Variants in TSHZ3 observed in about 807,000 individuals in gnomAD.
TSHZ3 encodes teashirt homolog 3.
In TSHZ3, 10 loss-of-function variants were observed where a neutral mutation model predicts 64.5. That is an observed-to-expected ratio of 0.16 (90% CI 0.10 to 0.26). The LOEUF is 0.26. TSHZ3 is among the 10% of genes least tolerant of loss of function. The pLI is 1.00. For missense variants in TSHZ3, 1,242 were observed against 1,421.7 expected (o/e 0.87, Z 2.03); for synonymous variants, 608 against 593.1 (o/e 1.03, Z -0.36).
At chr19:31,160,170 G>C (rs1018505760) in intron 5 of TSHZ3, among the ~76,000 whole-genome samples, 16 of 152,058 alleles carry the variant, frequency 1.1e-4, no homozygotes, top group African/African-American at 3.9e-4. Context: ...TGCAAGTAAA[G>C]TTGCTGAGGC....
intron 1 of TSHZ3, among the ~76,000 whole-genome samples, chr19:31,331,310 G>C (rs1410824297): frequency 6.6e-6 from 1 of 152,148 alleles, no homozygotes; most frequent in East Asian, 1.9e-4. Context: ...GCAGTGATGA[G>C]TTAAAGGGGC....
chr19:31,317,894 A>C (rs891240191), intron 1 of TSHZ3, among the ~76,000 whole-genome samples: 1 of 152,212 alleles, frequency 6.6e-6, no homozygotes, highest in African/African-American at 2.4e-5. Context: ...CACCCCTGGT[A>C]AAAGGGCCCA....
chr19:31,350,029 G>T (rs1018862948), upstream of TSHZ3, among the ~76,000 whole-genome samples: 42 of 147,838 alleles, frequency 2.8e-4, no homozygotes, highest in Middle Eastern at 3.5e-3. Flanking sequence ...GCCCGTCCCG[G>T]GGCGCTCGTT....
chr19:31,315,094 A>G (rs1050121646), intron 1 of TSHZ3, among the ~76,000 whole-genome samples: 11 of 152,226 alleles, frequency 7.2e-5, no homozygotes, highest in Non-Finnish European at 1.6e-4. Context: ...CAACTCTGCC[A>G]AGAGATGTCT....
chr19:31,201,255 A>T (rs186733731), intron 5 of TSHZ3, among the ~76,000 whole-genome samples: 29 of 152,302 alleles, frequency 1.9e-4, no homozygotes, highest in Admixed American at 1.6e-3. Flanking sequence ...TATCGCCCAA[A>T]TACACACACA....
intron 1 of TSHZ3, among the ~76,000 whole-genome samples, chr19:31,286,591 T>G (rs1300099540): frequency 6.6e-6 from 1 of 152,236 alleles, no homozygotes; most frequent in Non-Finnish European, 1.5e-5. Context: ...AGCCCTCTGC[T>G]GCAACCCCTC....
chr19:31,330,711 G>A (rs539277081), intron 1 of TSHZ3, among the ~76,000 whole-genome samples: 82 of 151,742 alleles, frequency 5.4e-4, no homozygotes, highest in African/African-American at 1.9e-3. Flanking sequence ...TCCTTGGGCG[G>A]GGGGAGGAAA....
chr19:31,208,391 G>A (rs1975215213), intron 4 of TSHZ3, among the ~76,000 whole-genome samples: 1 of 152,088 alleles, frequency 6.6e-6, no homozygotes, highest in Non-Finnish European at 1.5e-5. Flanking sequence ...GAGTCCAATT[G>A]GCCGAGCTTT....
chr19:31,282,136 C>T (rs1039763902), intron 1 of TSHZ3, among the ~76,000 whole-genome samples: 1 of 152,106 alleles, frequency 6.6e-6, no homozygotes, highest in African/African-American at 2.4e-5. Context: ...CGGGTGCATG[C>T]ATATATGATG....
chr19:31,195,900 G>A (rs1974984119), intron 5 of TSHZ3, among the ~76,000 whole-genome samples: 1 of 151,878 alleles, frequency 6.6e-6, no homozygotes, highest in African/African-American at 2.4e-5. Context: ...TGAGTCAGTA[G>A]GTGATTTTGT....
chr19:31,279,064 G>A lies in TSHZ3; in HGVS notation c.729C>T (p.Asn243=). 1 of 1,614,108 alleles carries A rather than the reference G, an allele frequency of 6.2e-7. No homozygotes were observed. The highest frequency in any genetic ancestry group is 1.1e-5 in the South Asian group (1 of 91,076). The change falls in exon 2 of 2, where the codon AAC becomes AAT. Residue 243 remains asparagine, a synonymous_variant. Coordinates refer to ENST00000240587, the MANE Select transcript of TSHZ3 (RefSeq NM_020856.4). The surrounding 1 kb of genome is among the most constrained non-coding windows in gnomAD (Gnocchi z 6.4). ...TGGGGTTGTTGTTATCGGTCTCATG[G>A]TTGTCGTCGCGGTAATGCCCCGTCT... ...MNETGHYRDD[N]HETDNNNPKR... is the part of the protein sequence containing the mutation.
chr19:31,193,297 A>G (rs1294150917), intron 5 of TSHZ3, among the ~76,000 whole-genome samples: 2 of 152,202 alleles, frequency 1.3e-5, no homozygotes, highest in Non-Finnish European at 2.9e-5. Flanking sequence ...CATATTTTGC[A>G]GGAAGCAGTC....
chr19:31,216,116 A>C (rs1975324811), intron 4 of TSHZ3, among the ~76,000 whole-genome samples: 1 of 152,242 alleles, frequency 6.6e-6, no homozygotes, highest in Admixed American at 6.5e-5. Context: ...GAAACATCAA[A>C]GAACATCAAT....
At position 31,277,992 on chromosome 19, in the gene TSHZ3, G is replaced by A. The variant is rs759526996; in HGVS notation, c.1801C>T (p.Pro601Ser). 2 of 1,614,048 alleles carry A rather than the reference G, an allele frequency of 1.2e-6. No homozygotes were observed. Among genetic ancestry groups the A allele is most frequent in the East Asian group, 2.2e-5 (1 of 44,876 alleles). ...LVSPPSSQTS[P>S]MPKTNFHAME... ...GCATGAAAGTTTGTCTTGGGCATGG[G>A]GGACGTCTGGCTGCTGGGTGGAGAG... The change falls in exon 2 of 2, where the codon CCC becomes TCC. Residue 601 changes from proline to serine, a missense_variant. Physicochemically the swap from Pro to Ser is moderately conservative, Grantham distance 74. Transcript: ENST00000240587. This position sits in a 1 kb window ranked among gnomAD's most constrained non-coding sequence, Gnocchi z 4.5.
In TSHZ3 at chr19:31,279,042, G is replaced by C; in HGVS notation, c.751C>G (p.Pro251Ala). The C allele has an allele frequency of 1.9e-6, 3 of 1,614,084 alleles. No homozygotes were observed. Among genetic ancestry groups the C allele is most frequent in the African/African-American group, 1.3e-5 (1 of 75,028 alleles). Residue 251 changes from proline to alanine, a missense_variant, in exon 2 of 2, where the codon CCC becomes GCC. Pro to Ala is a conservative substitution (Grantham distance 27). Around this residue, in one of 4 missense-constraint regions of TSHZ3, gnomAD observed 555 missense variants for 704.0 expected, o/e 0.79. Transcript: ENST00000240587. This position sits in a 1 kb window ranked among gnomAD's most constrained non-coding sequence, Gnocchi z 6.4. ...DDNHETDNNN[P>A]KRWSKPRKRS... is the part of the protein sequence containing the mutation. ...TTGCGAGGCTTGGACCAGCGCTTGG[G>C]GTTGTTGTTATCGGTCTCATGGTTG...
intron 1 of TSHZ3, among the ~76,000 whole-genome samples, chr19:31,262,904 G>C (rs570964584): frequency 6.6e-6 from 1 of 152,228 alleles, no homozygotes; most frequent in Non-Finnish European, 1.5e-5. Flanking sequence ...ACTCGGACAA[G>C]AGCTGATGGA....
At chr19:31,152,310 A>T (rs976055052) in intron 6 of TSHZ3, among the ~76,000 whole-genome samples, 4 of 145,678 alleles carry the variant, frequency 2.7e-5, no homozygotes, top group African/African-American at 1.0e-4. Flanking sequence ...GTGTGTGTGC[A>T]TGTTTATGTG....
intron 5 of TSHZ3, among the ~76,000 whole-genome samples, chr19:31,159,146 C>T (rs1974340562): frequency 1.3e-5 from 2 of 152,140 alleles, no homozygotes; most frequent in Non-Finnish European, 2.9e-5. Context: ...ATTACAGGCA[C>T]CCATCACCAC....
At chr19:31,210,230 T>G (rs1048984735) in intron 4 of TSHZ3, among the ~76,000 whole-genome samples, 3 of 152,138 alleles carry the variant, frequency 2.0e-5, no homozygotes, top group African/African-American at 7.2e-5. Flanking sequence ...AGGCCTGGGT[T>G]GGAGGGACTC....
Sources: allele counts gnomAD v4.1 joint callset (sites outside exome capture counted in the v4.1 genomes callset), GRCh38; gene constraint gnomAD v4.1.1; regional missense constraint gnomAD v4.1.1; non-coding constraint Gnocchi (gnomAD v3.1); transcripts MANE v1.5; gene names NCBI Gene and HGNC (gene_info 2026-07-23, HGNC 2026-07-21).